The following SRGN variants were observed in gnomAD, a reference collection of about 807,000 sequenced individuals.
SRGN encodes the protein serglycin.
A neutral mutation model predicts 9.5 loss-of-function variants in SRGN; 2 were observed. The ratio of observed to expected loss-of-function variants is 0.21; its 90% confidence interval spans 0.09 to 0.66. The LOEUF (loss-of-function observed/expected upper bound fraction) is 0.66. Ranked by LOEUF, SRGN falls within the 30% of genes least tolerant of loss-of-function variation. SRGN has a pLI of 0.83. For missense variants in SRGN, 170 were observed against 192.4 expected (o/e 0.88, Z 0.69); for synonymous variants, 59 against 72.3 (o/e 0.82, Z 0.93).
intron 1 of SRGN, among the ~76,000 whole-genome samples, chr10:69,090,144 T>A (rs946692237): frequency 1.3e-5 from 2 of 152,312 alleles, no homozygotes; most frequent in South Asian, 2.1e-4. Context: ...GGGAAATAGA[T>A]GTCCCCCACT....
At chr10:69,096,314 A>G (rs1840175083) in intron 1 of SRGN, among the ~76,000 whole-genome samples, 1 of 152,206 alleles carries the variant, frequency 6.6e-6, no homozygotes, top group African/African-American at 2.4e-5. Context: ...AATTGAGATA[A>G]TAGTACAAAA....
At chr10:69,091,193 T>C (rs1335381355) in intron 1 of SRGN, among the ~76,000 whole-genome samples, 1 of 152,204 alleles carries the variant, frequency 6.6e-6, no homozygotes, top group Non-Finnish European at 1.5e-5. Flanking sequence ...AAAAAATTTG[T>C]GAGTCTTGCC....
At chr10:69,093,994 T>G (rs1840121884) in intron 1 of SRGN, among the ~76,000 whole-genome samples, 1 of 152,216 alleles carries the variant, frequency 6.6e-6, no homozygotes, top group African/African-American at 2.4e-5. Flanking sequence ...CATAGGTCAT[T>G]GTTGTCCTCC....
intron 2 of SRGN, among the ~76,000 whole-genome samples, chr10:69,098,022 G>T: frequency 6.6e-6 from 1 of 152,136 alleles, no homozygotes; most frequent in East Asian, 1.9e-4. Context: ...GTATATACTG[G>T]CATATGACAT....
intron 1 of SRGN, among the ~76,000 whole-genome samples, chr10:69,094,626 G>T (rs991348926): frequency 2.6e-5 from 4 of 151,426 alleles, no homozygotes; most frequent in East Asian, 1.9e-4. Flanking sequence ...AGACAGTCTC[G>T]CTGTGTCACC....
At chr10:69,095,592 A>G (rs1840158396) in intron 1 of SRGN, among the ~76,000 whole-genome samples, 1 of 152,112 alleles carries the variant, frequency 6.6e-6, no homozygotes, top group African/African-American at 2.4e-5. Flanking sequence ...AGGAAGGAAG[A>G]TTTTATTTCA....
intron 1 of SRGN, among the ~76,000 whole-genome samples, chr10:69,089,493 T>C (rs148032104): frequency 0.011 from 1,620 of 152,334 alleles, 32 homozygotes; most frequent in African/African-American, 0.037. Flanking sequence ...CAGAGATATG[T>C]AAGTCTTTAT....
In SRGN at chr10:69,088,140, A is replaced by T. The variant is rs1839974882; in HGVS notation, c.-18A>T. The T allele has an allele frequency of 1.2e-6, 2 of 1,611,796 alleles. No homozygotes were observed. The highest frequency in any genetic ancestry group is 1.7e-6 in the Non-Finnish European group (2 of 1,178,114). ...CAAGAAGTTGGCGTGCAGCTGGGAG[A>T]GCTAGACTAAGTTGGTCATGATGCA... On this transcript the variant is annotated 5_prime_UTR_variant, in exon 1 of 3. Transcript: ENST00000242465.
intron 2 of SRGN, among the ~76,000 whole-genome samples, chr10:69,099,885 G>A (rs1395176554): frequency 6.6e-6 from 1 of 151,978 alleles, no homozygotes; most frequent in Non-Finnish European, 1.5e-5. Context: ...ATCACTTGAG[G>A]CCAAGAATTT....
At chr10:69,091,765 A>T (rs1840060100) in intron 1 of SRGN, among the ~76,000 whole-genome samples, 1 of 151,234 alleles carries the variant, frequency 6.6e-6, no homozygotes, top group African/African-American at 2.4e-5. Context: ...CTGTAATCCC[A>T]GCTACTCGAG....
At chr10:69,088,727 T>A (rs1292873177) in intron 1 of SRGN, among the ~76,000 whole-genome samples, 3 of 152,028 alleles carry the variant, frequency 2.0e-5, no homozygotes, top group Admixed American at 2.0e-4. Context: ...TTTTTTTTTT[T>A]TTAAAGATAA....
At chr10:69,096,994 G>GAA in intron 1 of SRGN, 90 bp from the exon 2 acceptor site, 2 of 1,343,864 alleles carry the variant, frequency 1.5e-6, no homozygotes, top group Non-Finnish European at 2.0e-6. Context: ...ACCCTGTCTC[G>GAA]AAAAAAAAAT....
intron 1 of SRGN, among the ~76,000 whole-genome samples, chr10:69,091,050 G>T (rs1448709266): frequency 6.6e-6 from 1 of 152,194 alleles, no homozygotes; most frequent in Non-Finnish European, 1.5e-5. Flanking sequence ...GCTGCTCTTT[G>T]TAAAGTGATT....
chr10:69,098,571 G>A (rs1291734405), intron 2 of SRGN: 2 of 152,018 alleles, frequency 1.3e-5, no homozygotes, highest in African/African-American at 4.8e-5. Context: ...GAGCCCAGGA[G>A]TTTGAGGCCA....
intron 1 of SRGN, among the ~76,000 whole-genome samples, chr10:69,094,280 C>T (rs1840129596): frequency 6.6e-6 from 1 of 151,974 alleles, no homozygotes; most frequent in African/African-American, 2.4e-5. Flanking sequence ...ACATTGTAAG[C>T]TATACTCAGG....
At chr10:69,101,469 A>T (rs1490713421) in intron 2 of SRGN, among the ~76,000 whole-genome samples, 1 of 151,976 alleles carries the variant, frequency 6.6e-6, no homozygotes, top group African/African-American at 2.4e-5. Context: ...CTTCTCCAGG[A>T]CTTCCATTCT....
chr10:69,088,812 C>T (rs150171072), intron 1 of SRGN, among the ~76,000 whole-genome samples: 2 of 151,854 alleles, frequency 1.3e-5, no homozygotes, highest in East Asian at 3.9e-4. Context: ...AAAGAGAAGG[C>T]CAAATAATTT....
At chr10:69,103,332 C>T (rs1427254979) in intron 2 of SRGN, among the ~76,000 whole-genome samples, 5 of 152,034 alleles carry the variant, frequency 3.3e-5, no homozygotes, top group Admixed American at 6.5e-5. Context: ...TTCACAAGGT[C>T]AGGAGTTTGA....
chr10:69,092,356 A>G (rs932560529), intron 1 of SRGN, among the ~76,000 whole-genome samples: 2 of 152,188 alleles, frequency 1.3e-5, no homozygotes, highest in Non-Finnish European at 2.9e-5. Context: ...CTTTATTTTA[A>G]AGTACATTTA....
Sources: allele counts gnomAD v4.1 joint callset (sites outside exome capture counted in the v4.1 genomes callset), GRCh38; gene constraint gnomAD v4.1.1; transcripts MANE v1.5; gene names NCBI Gene and HGNC (gene_info 2026-07-23, HGNC 2026-07-21).